FHIT: variants seen among roughly 807,000 people sequenced by gnomAD.
FHIT encodes fragile histidine triad diadenosine triphosphatase.
A neutral mutation model predicts 17.9 loss-of-function variants in FHIT; 19 were observed. That is an observed-to-expected ratio of 1.06 (90% confidence interval 0.74 to 1.56). FHIT has a LOEUF of 1.56. Among genes scored for constraint, FHIT ranks in the 40% most tolerant of loss-of-function variants. The pLI, the probability that FHIT is intolerant of heterozygous loss-of-function variation, is 0.00. For synonymous variants in FHIT, 81 were observed against 69.7 expected (o/e 1.16, Z -0.81); for missense variants, 248 against 189.2 (o/e 1.31, Z -1.82).
intron 5 of FHIT, among the ~76,000 whole-genome samples, chr3:60,054,379 AAAAACAAAAC>A: frequency 6.6e-6 from 1 of 152,282 alleles, no homozygotes; most frequent in Admixed American, 6.5e-5. Flanking sequence ...GTCAGATTAG[AAAAACAAAAC>A]AAAACAAAAC....
At chr3:61,209,718 T>A (rs2039391141) in intron 1 of FHIT, among the ~76,000 whole-genome samples, 1 of 152,182 alleles carries the variant, frequency 6.6e-6, no homozygotes, top group Non-Finnish European at 1.5e-5. Flanking sequence ...TTCATCTAAT[T>A]TTTTTTCAAG....
rs1168094593 is a variant in FHIT at position 60,124,009 on chromosome 3, T to TAGAGAG, written c.104-109863_104-109858dup. 6.3e-3 allele frequency among the ~76,000 whole-genome samples: 77 copies of TAGAGAG among 12,148 alleles called. 5 individuals carry two copies. Among genetic ancestry groups the TAGAGAG allele is most frequent in the Admixed American group, 8.0e-3 (6 of 754 alleles). 8.0% of individuals were successfully genotyped at this position (12,148 alleles called of 152,430 possible). A position where few individuals can be genotyped will look rare whatever the true frequency, so the allele number is the denominator to read the frequency against. On this transcript the variant is annotated intron_variant, in intron 5 of 9. Coordinates refer to ENST00000492590, the MANE Select transcript of FHIT (RefSeq NM_002012.4). Reference sequence around the variant, plus strand: ...ATATATATATATATATATATATATATAGAGAGAGAGAGAGAGAGAGAGAGA... The same window carrying TAGAGAG: ...ATATATATATATATATATATATATATAGAGAGAGAGAGAGAGAGAGAGAGAGAGAGA...
intron 2 of FHIT, among the ~76,000 whole-genome samples, chr3:61,161,522 G>A (rs542975202): frequency 5.3e-5 from 8 of 152,130 alleles, no homozygotes; most frequent in Non-Finnish European, 1.2e-4. Context: ...ATTTTTAAGA[G>A]ACAGTTTTAA....
chr3:60,002,777 AG>A (rs1197781723), intron 7 of FHIT, among the ~76,000 whole-genome samples: 7 of 152,198 alleles, frequency 4.6e-5, no homozygotes, highest in Non-Finnish European at 2.9e-5. Flanking sequence ...TTTGGCATAA[AG>A]GGTAAAGAGA....
chr3:59,823,439 A>G (rs938883420), intron 8 of FHIT, among the ~76,000 whole-genome samples: 9 of 152,162 alleles, frequency 5.9e-5, no homozygotes, highest in African/African-American at 2.2e-4. Context: ...ACACAGATGC[A>G]AAATCCTTAA....
At chr3:59,870,395 A>G (rs1702863426) in intron 8 of FHIT, among the ~76,000 whole-genome samples, 1 of 152,174 alleles carries the variant, frequency 6.6e-6, no homozygotes, top group Non-Finnish European at 1.5e-5. Flanking sequence ...ATCTCTTTTT[A>G]GCCTCCTTTT....
intron 3 of FHIT, among the ~76,000 whole-genome samples, chr3:60,890,660 G>A (rs1705469683): frequency 6.6e-6 from 1 of 152,170 alleles, no homozygotes; most frequent in South Asian, 2.1e-4. Flanking sequence ...GGAATGCCTA[G>A]GAGCAGCTTT....
rs78621986 is a variant in FHIT at position 60,948,643 on chromosome 3, G to A, written c.-111+93404C>T. ...TCTCAGCTACTAAGGAGAATGAAGA[G>A]CAGCAGAAACTGAATTATTAATTCC... On this transcript the variant is annotated intron_variant, in intron 3 of 9. Coordinates refer to ENST00000492590, the MANE Select transcript of FHIT (RefSeq NM_002012.4). Among the ~76,000 whole-genome samples the A allele has an allele frequency of 2.1e-4, 32 of 152,300 alleles. 1 individual carries two copies. The East Asian group carries it at 5.4e-3, about 26-fold the overall frequency.
intron 4 of FHIT, among the ~76,000 whole-genome samples, chr3:60,755,885 A>C (rs2042561735): frequency 6.6e-6 from 1 of 152,240 alleles, no homozygotes; most frequent in African/African-American, 2.4e-5. Flanking sequence ...ACTGATTTGA[A>C]TCATTTAAGG....
intron 5 of FHIT, among the ~76,000 whole-genome samples, chr3:60,270,848 G>C (rs1706824235): frequency 6.6e-6 from 1 of 152,150 alleles, no homozygotes; most frequent in Admixed American, 6.5e-5. Context: ...TCCTTCCAGA[G>C]AAAGCCATAT....
chr3:60,807,416 A>AG (rs1701433368), intron 4 of FHIT, among the ~76,000 whole-genome samples: 1 of 151,842 alleles, frequency 6.6e-6, no homozygotes. Context: ...CTACAAAAAA[A>AG]AAGAAAAAAA....
intron 5 of FHIT, among the ~76,000 whole-genome samples, chr3:60,265,093 T>C (rs1010389402): frequency 1.3e-5 from 2 of 151,956 alleles, no homozygotes; most frequent in Admixed American, 1.3e-4. Flanking sequence ...CCTGTTTATC[T>C]TCAATGGCTC....
chr3:59,908,299 G>A (rs1001419872), intron 8 of FHIT, among the ~76,000 whole-genome samples: 13 of 152,208 alleles, frequency 8.5e-5, no homozygotes, highest in Non-Finnish European at 1.8e-4. Context: ...GACTATAGCA[G>A]CAACATGAAT....
intron 2 of FHIT, among the ~76,000 whole-genome samples, chr3:61,048,971 G>C (rs527367971): frequency 1.3e-5 from 2 of 152,086 alleles, no homozygotes; most frequent in South Asian, 4.2e-4. Context: ...ACCAGGGCCT[G>C]TTGTGGGGTT....
chr3:60,072,090 A>T (rs904168146), intron 5 of FHIT, among the ~76,000 whole-genome samples: 1 of 152,216 alleles, frequency 6.6e-6, no homozygotes, highest in Admixed American at 6.5e-5. Context: ...TAAAGACTTG[A>T]AGGACATGAG....
intron 4 of FHIT, among the ~76,000 whole-genome samples, chr3:60,565,985 A>T (rs2037120180): frequency 6.6e-6 from 1 of 152,122 alleles, no homozygotes; most frequent in Non-Finnish European, 1.5e-5. Flanking sequence ...GGTTTCAAAG[A>T]ACATCTTTAT....
chr3:60,575,132 G>T (rs1252099463), intron 4 of FHIT, among the ~76,000 whole-genome samples: 1 of 152,126 alleles, frequency 6.6e-6, no homozygotes, highest in Non-Finnish European at 1.5e-5. Flanking sequence ...ATGAGGCAAG[G>T]CAGTAAGTAA....
intron 4 of FHIT, among the ~76,000 whole-genome samples, chr3:60,634,595 G>A (rs1408146234): frequency 6.6e-6 from 1 of 152,136 alleles, no homozygotes; most frequent in Non-Finnish European, 1.5e-5. Flanking sequence ...CTATCCTGGG[G>A]TAACGGCACC....
At chr3:59,778,680 C>A (rs138949763) in intron 8 of FHIT, among the ~76,000 whole-genome samples, 104 of 152,264 alleles carry the variant, frequency 6.8e-4, no homozygotes, top group African/African-American at 2.3e-3. Flanking sequence ...AACTGGACAA[C>A]CCCTGGGACA....
Sources: allele counts gnomAD v4.1 joint callset (sites outside exome capture counted in the v4.1 genomes callset), GRCh38; gene constraint gnomAD v4.1.1; transcripts MANE v1.5; gene names NCBI Gene and HGNC (gene_info 2026-07-23, HGNC 2026-07-21).